Variants in HSPG2 observed in about 807,000 individuals in gnomAD.
HSPG2 encodes the protein basement membrane-specific heparan sulfate proteoglycan core protein.
HSPG2 carries 278 observed loss-of-function variants against 526.6 expected under a neutral mutation model. The observed-to-expected ratio is 0.53, with a 90% CI of 0.48 to 0.58. HSPG2 has a LOEUF of 0.58. Ranked by LOEUF, HSPG2 falls within the 20% of genes least tolerant of loss-of-function variation. The pLI is 0.00. For synonymous variants in HSPG2, 2,465 were observed against 2,555.4 expected, an observed-to-expected ratio of 0.96 and a Z score of 1.07; for missense variants, 5,354 against 6,099.5, an observed-to-expected ratio of 0.88 and a Z score of 4.07.
chr1:21,876,205 T>C (rs1249178093), intron 23 of HSPG2, 24 bp downstream of exon 23: 1 of 1,590,456 alleles, frequency 6.3e-7, no homozygotes, highest in Admixed American at 1.8e-5. Context: ...TGGAGTTTCC[T>C]TTGCCTTTCC....
In HSPG2 at chr1:21,865,251, G is replaced by A. The variant is rs1026892785; in HGVS notation, c.4395+34C>T. ...TCTGAGTCAGGGTGGAGGGTGGGGT[G>A]GGGTTAGACACAGCATGGCCAGGTG... On this transcript the variant is annotated intron_variant, in intron 35 of 96. Coordinates refer to ENST00000374695, the MANE Select transcript of HSPG2 (RefSeq NM_005529.7). This position sits in a 1 kb window ranked among gnomAD's most constrained non-coding sequence, Gnocchi z 5.4. 11 of 1,599,724 alleles carry A rather than the reference G, an allele frequency of 6.9e-6. No individual in the cohort carries two copies. Among genetic ancestry groups the A allele is most frequent in the East Asian group, 2.2e-5 (1 of 44,790 alleles).
chr1:21,880,514 G>A lies in HSPG2; in HGVS notation c.2044C>T (p.Leu682=). The A allele has an allele frequency of 6.2e-7, 1 of 1,613,688 alleles. No homozygotes were observed. The highest frequency in any genetic ancestry group is 8.5e-7 in the Non-Finnish European group (1 of 1,179,988). ...TCCAGGCTCTGCAGCACCTGCAGCA[G>A]CTCCGCGCGCTGCACCGGCCGGCCA... The part of the protein sequence containing the change: ...ESGRPVQRAE[L]LQVLQSLEAV... Residue 682 remains leucine (L), a synonymous_variant, in exon 16 of 97, where the codon CTG becomes TTG. Coordinates refer to ENST00000374695, the MANE Select transcript of HSPG2 (RefSeq NM_005529.7).
At position 21,864,038 on chromosome 1, in the gene HSPG2, C is replaced by T. The variant is rs761874426; in HGVS notation, c.4740+62G>A. ...TGGATTGATGCCTGCCTTGTCCAGC[C>T]CTGGTCCCCCACCCAGGCCCAGCTG... On this transcript the variant is annotated intron_variant, in intron 37 of 96. Transcript: ENST00000374695. The surrounding 1 kb of genome is among the most constrained non-coding windows in gnomAD (Gnocchi z 4.8). 4 of 1,293,786 alleles carry T rather than the reference C, an allele frequency of 3.1e-6. No homozygotes were observed. Among genetic ancestry groups the T allele is most frequent in the Non-Finnish European group, 4.4e-6 (4 of 914,216 alleles). 80.1% of individuals were successfully genotyped at this position (1,293,786 alleles called of 1,614,324 possible).
intron 1 of HSPG2, among the ~76,000 whole-genome samples, chr1:21,924,794 C>A (rs915708688): frequency 2.0e-5 from 3 of 152,152 alleles, no homozygotes; most frequent in African/African-American, 7.2e-5. Context: ...ACAATGTGGA[C>A]AATGTGAGTC....
Position 21,828,786 on chromosome 1 carries a change from A to C in HSPG2, c.12237+49T>G. 6.5e-7 allele frequency: 1 copy of C among 1,549,508 alleles called. No individual in the cohort carries two copies. The highest frequency in any genetic ancestry group is 8.7e-7 in the Non-Finnish European group (1 of 1,146,724). On this transcript the variant is annotated intron_variant, in intron 88 of 96. Coordinates refer to ENST00000374695, the MANE Select transcript of HSPG2 (RefSeq NM_005529.7). The surrounding 1 kb of genome is among the most constrained non-coding windows in gnomAD (Gnocchi z 6.0). ...TGCTTGGAGAGCCGAGGGGGACACA[A>C]GGCTTGGCACCCCTCCCCTCCCGCT...
chr1:21,927,180 G>A (rs958106435), intron 1 of HSPG2, among the ~76,000 whole-genome samples: 1 of 152,098 alleles, frequency 6.6e-6, no homozygotes, highest in African/African-American at 2.4e-5. Flanking sequence ...CCCCAGCCAG[G>A]CCTCCCCTTC....
At chr1:21,884,066 T>C (rs1389737691) in intron 13 of HSPG2, among the ~76,000 whole-genome samples, 1 of 152,220 alleles carries the variant, frequency 6.6e-6, no homozygotes, top group Non-Finnish European at 1.5e-5. Context: ...GGACAATGAC[T>C]GTGACGTTAG....
intron 1 of HSPG2, chr1:21,908,617 T>TAA (rs375057444): frequency 2.9e-4 from 147 of 507,876 alleles, no homozygotes; most frequent in Non-Finnish European, 3.6e-4. Flanking sequence ...TCTGGGCTGT[T>TAA]AAAAAAAAAA....
rs778050923 is a variant in HSPG2 at position 21,875,939 on chromosome 1, T to A, written c.3107A>T (p.Asn1036Ile). The change falls in exon 24 of 97, where the codon AAC becomes ATC. Residue 1036 changes from asparagine (N) to isoleucine (I), a missense_variant. Asn to Ile is a moderately radical substitution (Grantham distance 149). Transcript: ENST00000374695. ...GQPLVVLQGN[N>I]IILEHHVAQE... The stretch of plus-strand genomic sequence containing the variant: ...GGCCACATGGTGCTCTAGGATGATG[T>A]TGTTACCTTGCAGCACCACCAACGG... 4.3e-6 allele frequency: 7 copies of A among 1,614,140 alleles called. No individual in the cohort carries two copies. The highest frequency in any genetic ancestry group is 1.6e-4 in the Middle Eastern group (1 of 6,062).
chr1:21,866,621 A>G (rs970003563), intron 33 of HSPG2, among the ~76,000 whole-genome samples: 1 of 152,240 alleles, frequency 6.6e-6, no homozygotes, highest in African/African-American at 2.4e-5. Context: ...TGTTGCAGAC[A>G]AGCCCACTGG....
intron 38 of HSPG2, 40 bp downstream of exon 38, chr1:21,861,948 A>C (rs752131355): frequency 6.2e-7 from 1 of 1,614,122 alleles, no homozygotes; most frequent in East Asian, 2.2e-5. Context: ...CTCATTCCCC[A>C]GTGGAAGTGT....
rs564795603 is a variant in HSPG2, at chr1:21,881,592, A to G, written c.1655-90T>C. The stretch of plus-strand genomic sequence containing the variant: ...GGGCAGCAATCCAGAAAGGTGGGAA[A>G]GTTCTAGTGGAAATTTGATTTCGAG... On this transcript the variant is annotated intron_variant, in intron 13 of 96. Transcript: ENST00000374695. The G allele has an allele frequency of 3.3e-5, 40 of 1,195,912 alleles. No individual in the cohort carries two copies. The African/African-American group carries it at 5.7e-4, about 17-fold the overall frequency. The allele number at this position is 1,195,912 out of a possible 1,614,324, so 74.1% of individuals were successfully genotyped here. A position where few individuals can be genotyped will look rare whatever the true frequency, so the allele number is the denominator to read the frequency against.
At position 21,824,464 on chromosome 1, in the gene HSPG2, A is replaced by C; in HGVS notation, c.12744+73T>G. The C allele has an allele frequency of 6.2e-7, 1 of 1,600,634 alleles. No individual in the cohort carries two copies. Among genetic ancestry groups the C allele is most frequent in the Non-Finnish European group, 8.5e-7 (1 of 1,170,920 alleles). On this transcript the variant is annotated intron_variant, in intron 93 of 96. Coordinates refer to ENST00000374695, the MANE Select transcript of HSPG2 (RefSeq NM_005529.7). This position sits in a 1 kb window ranked among gnomAD's most constrained non-coding sequence, Gnocchi z 5.9. ...GGGGGCTCTGCTTTCCCCTCCCCCC[A>C]CCACTCCGGCCACCAGGAAGCCAGC...
chr1:21,875,696 TCAG>T lies in HSPG2; in HGVS notation c.3232_3234del (p.Leu1078del). The T allele has an allele frequency of 6.2e-7, 1 of 1,604,678 alleles. No individual in the cohort carries two copies. Among genetic ancestry groups the T allele is most frequent in the Non-Finnish European group, 8.5e-7 (1 of 1,179,948 alleles). Reference sequence around the variant, plus strand: ...AGGGTGTCGATGCCTGCCAGTGCCATCAGCAGGTGCTCCCGTGTGGCTGGCTGC... The same window carrying T: ...AGGGTGTCGATGCCTGCCAGTGCCATCAGGTGCTCCCGTGTGGCTGGCTGC... On this transcript the variant is annotated inframe_deletion, in exon 25 of 97. Transcript: ENST00000374695.
rs141647961 is a variant in HSPG2, at chr1:21,847,964, A to G, written c.7867T>C (p.Ser2623Pro). The G allele has an allele frequency of 3.4e-5, 55 of 1,613,616 alleles. No individual in the cohort carries two copies. In the African/African-American group the frequency reaches 6.8e-4, roughly 20 times the overall value. ...LIVTIQGSGSSHVPSVSPPIR... is the reference protein window; with the variant it reads ...LIVTIQGSGSPHVPSVSPPIR... ...CTGCCCTCTCTGCTCTCACCGTGGG[A>G]GGAACCGCTGCCCTGGATGGTGACG... is the stretch of plus-strand genomic sequence containing the variant. The change falls in exon 60 of 97, where the codon TCC becomes CCC. Residue 2623 changes from serine to proline, a missense_variant. By Grantham distance (74) the Ser-to-Pro change is moderately conservative (BLOSUM62 -1). Transcript: ENST00000374695. The surrounding 1 kb of genome is among the most constrained non-coding windows in gnomAD (Gnocchi z 4.1).
intron 18 of HSPG2, 112 bp from the exon 19 acceptor site, chr1:21,878,775 G>T: frequency 8.1e-7 from 1 of 1,227,346 alleles, no homozygotes; most frequent in African/African-American, 1.5e-5. Flanking sequence ...GAGGCATGAC[G>T]CCATCTCCCT....
rs188202101 is a variant in HSPG2, at chr1:21,879,770, A to T, written c.2343+337T>A. 3.4e-3 allele frequency among the ~76,000 whole-genome samples: 523 copies of T among 152,212 alleles called. 3 individuals are homozygous for T. Among genetic ancestry groups the T allele is most frequent in the African/African-American group, 0.011 (436 of 41,524 alleles). On this transcript the variant is annotated intron_variant, in intron 17 of 96. Transcript: ENST00000374695. ...CGGGTTCAAGCGATTTTCCTGCCTC[A>T]GCCTCCTGAGTAGCTGGGATTACAG...
chr1:21,830,837 G>A, intron 85 of HSPG2, 145 bp downstream of exon 85: 1 of 645,414 alleles, frequency 1.5e-6, no homozygotes, highest in South Asian at 1.8e-5. Context: ...ATGGGGGATG[G>A]GTACATGGGA....
Position 21,862,006 on chromosome 1 carries a change from A to G in HSPG2, c.4850T>C (p.Leu1617Pro). 2 of 1,614,208 alleles carry G rather than the reference A, an allele frequency of 1.2e-6. No individual in the cohort carries two copies. The highest frequency in any genetic ancestry group is 8.5e-7 in the Non-Finnish European group (1 of 1,180,032). ...PEDCQPCACP[L>P]TNPENMFSRT... ...TACCCACATGTTCTCTGGGTTGGTC[A>G]GTGGGCAGGCACAGGGCTGGCAGTC... The change falls in exon 38 of 97, where the codon CTG (leucine) becomes CCG (proline). Residue 1617 changes from leucine (L) to proline (P), a missense_variant. Transcript: ENST00000374695.
Sources: gnomAD v4.1 joint callset for allele counts (sites outside exome capture counted in the v4.1 genomes callset) on GRCh38, gnomAD v4.1.1 for gene constraint, Gnocchi (gnomAD v3.1) non-coding constraint, MANE v1.5 for transcripts, NCBI Gene and HGNC (gene_info 2026-07-23, HGNC 2026-07-21) for gene names.